The following SPAG16 variants were observed in gnomAD, a reference collection of about 807,000 sequenced individuals.
The protein encoded by SPAG16 is sperm associated antigen 16.
Under a neutral mutation model 80.4 loss-of-function variants are expected in SPAG16, and 86 were observed. That is an observed-to-expected ratio of 1.07 (90% confidence interval 0.90 to 1.28). The LOEUF is 1.28. Ranked by LOEUF, SPAG16 falls within the 50% of genes most tolerant of loss-of-function variation. The pLI is 0.00. For missense variants in SPAG16, 870 were observed against 765.3 expected (o/e 1.14, Z -1.61); for synonymous variants, 294 against 265.9 (o/e 1.11, Z -1.03).
At chr2:214,088,881 A>T (rs533931715) in intron 13 of SPAG16, among the ~76,000 whole-genome samples, 1 of 152,258 alleles carries the variant, frequency 6.6e-6, no homozygotes, top group East Asian at 1.9e-4. Context: ...TATAACAATG[A>T]TACTAAAATA....
rs74895388 is a variant in SPAG16 at position 213,725,748 on chromosome 2, G to T, written c.1071-136737G>T. On this transcript the variant is annotated intron_variant, in intron 10 of 15. Transcript: ENST00000331683. ...GAGTGTTTAAGAAGTTTGGCTCAGG[G>T]CCAAAGCTAGTTTCTATGTATGTAA... 1.4e-3 allele frequency among the ~76,000 whole-genome samples: 207 copies of T among 152,330 alleles called. 2 individuals are homozygous for T. In the East Asian group the frequency reaches 0.021, roughly 15 times the overall value.
intron 15 of SPAG16, chr2:214,280,751 C>T (rs1290406575): frequency 7.1e-6 from 3 of 421,594 alleles, no homozygotes; most frequent in South Asian, 2.1e-5. Context: ...TAACTTATTT[C>T]CTGGGCGTCT....
At position 214,015,529 on chromosome 2, in the gene SPAG16, C is replaced by T. The variant is rs549157490; in HGVS notation, c.1527+1452C>T. 6.0e-5 allele frequency among the ~76,000 whole-genome samples: 9 copies of T among 150,434 alleles called. No individual in the cohort carries two copies. The South Asian group carries it at 8.4e-4, about 14-fold the overall frequency. On this transcript the variant is annotated intron_variant, in intron 13 of 15. Transcript: ENST00000331683. ...AGGAGAATCGCTTGTATCCAGGAGG[C>T]GGAAGTTGCAGTGAGCCGAAATCAT...
chr2:213,309,962 A>AC, intron 3 of SPAG16, 97 bp from the exon 4 acceptor site: 1 of 741,252 alleles, frequency 1.3e-6, no homozygotes, highest in Non-Finnish European at 2.2e-6. Context: ...TTGTTGAAAA[A>AC]AAATGAATGG....
chr2:213,638,960 T>C (rs1388032946), intron 10 of SPAG16, among the ~76,000 whole-genome samples: 1 of 152,234 alleles, frequency 6.6e-6, no homozygotes, highest in Non-Finnish European at 1.5e-5. Flanking sequence ...TGTGATATTT[T>C]CCTGTTGCAT....
At chr2:214,118,738 A>G (rs1033717938) in intron 14 of SPAG16, among the ~76,000 whole-genome samples, 1 of 152,090 alleles carries the variant, frequency 6.6e-6, no homozygotes, top group African/African-American at 2.4e-5. Flanking sequence ...TCAAGAGGAA[A>G]TTGAGAGGGG....
chr2:213,883,396 C>A (rs963558910), intron 11 of SPAG16, among the ~76,000 whole-genome samples: 1 of 151,962 alleles, frequency 6.6e-6, no homozygotes, highest in African/African-American at 2.4e-5. Flanking sequence ...TGATTTTAAT[C>A]TTTTTTTAAT....
At chr2:213,828,991 A>C (rs2073462663) in intron 10 of SPAG16, among the ~76,000 whole-genome samples, 1 of 152,184 alleles carries the variant, frequency 6.6e-6, no homozygotes. Flanking sequence ...TAAAGCCAGC[A>C]TAGTACTGGT....
chr2:213,943,966 C>A (rs1410187613), intron 12 of SPAG16, among the ~76,000 whole-genome samples: 2 of 152,156 alleles, frequency 1.3e-5, no homozygotes, highest in African/African-American at 4.8e-5. Context: ...AGCACTGGAC[C>A]ATAGAGCTAT....
At chr2:213,448,388 G>A (rs2071475726) in intron 9 of SPAG16, among the ~76,000 whole-genome samples, 1 of 152,226 alleles carries the variant, frequency 6.6e-6, no homozygotes, top group Non-Finnish European at 1.5e-5. Context: ...TGTGCCTGGA[G>A]CTGATGCATT....
intron 15 of SPAG16, among the ~76,000 whole-genome samples, chr2:214,397,158 CT>C (rs66580402): frequency 7.7e-4 from 100 of 129,942 alleles, no homozygotes; most frequent in African/African-American, 2.0e-3. Flanking sequence ...TTTTAATTTT[CT>C]TTTTTTTTTT....
rs1237543995 is a variant in SPAG16, at chr2:214,397,073, A to T, written c.1721-13067A>T. Among the ~76,000 whole-genome samples the T allele has an allele frequency of 4.6e-5, 7 of 151,948 alleles. No homozygotes were observed. The East Asian group carries it at 1.2e-3, about 25-fold the overall frequency. ...ATTGTTGATTTTGGCAAGATACTCT[A>T]GTGTATGAATGCCACTGAGATATTA... On this transcript the variant is annotated intron_variant, in intron 15 of 15. Coordinates refer to ENST00000331683, the MANE Select transcript of SPAG16 (RefSeq NM_024532.5).
intron 10 of SPAG16, among the ~76,000 whole-genome samples, chr2:213,556,831 G>C (rs907692571): frequency 6.6e-6 from 1 of 152,152 alleles, no homozygotes; most frequent in African/African-American, 2.4e-5. Context: ...CCCCAGGATA[G>C]ATCATATGCT....
chr2:213,977,245 GC>G (rs1455415815), intron 12 of SPAG16, among the ~76,000 whole-genome samples: 1 of 151,862 alleles, frequency 6.6e-6, no homozygotes, highest in South Asian at 2.1e-4. Context: ...TACACACACT[GC>G]CCCCCAGGAT....
At chr2:213,683,966 C>T (rs532345077) in intron 10 of SPAG16, among the ~76,000 whole-genome samples, 12 of 152,006 alleles carry the variant, frequency 7.9e-5, no homozygotes, top group South Asian at 2.1e-4. Context: ...TGTAGGAAAG[C>T]GTTTTGTGTA....
chr2:213,286,883 C>T (rs1022779213), intron 1 of SPAG16, among the ~76,000 whole-genome samples: 16 of 149,948 alleles, frequency 1.1e-4, no homozygotes, highest in Non-Finnish European at 1.9e-4. Flanking sequence ...AGCCAGGATC[C>T]ATCTTGTGGG....
Position 213,434,459 on chromosome 2 carries a change from AT to A in SPAG16, c.943-55503del, listed in dbSNP as rs143551634. On this transcript the variant is annotated intron_variant, in intron 9 of 15. Coordinates refer to ENST00000331683, the MANE Select transcript of SPAG16 (RefSeq NM_024532.5). ...AATAGCACAAGTAATAAAAACAAAA[AT>A]AGATAAGTGGGACTTAATTAAACTA... Among the ~76,000 whole-genome samples the A allele has an allele frequency of 2.2e-3, 336 of 152,336 alleles. 3 individuals are homozygous for A. Among genetic ancestry groups the A allele is most frequent in the African/African-American group, 8.0e-3 (331 of 41,588 alleles).
At chr2:213,334,120 T>G (rs1031291595) in intron 5 of SPAG16, among the ~76,000 whole-genome samples, 1 of 151,814 alleles carries the variant, frequency 6.6e-6, no homozygotes, top group Non-Finnish European at 1.5e-5. Flanking sequence ...AGGAAAAAAG[T>G]CTAATACTCC....
At chr2:213,609,132 A>G (rs2125010138) in intron 10 of SPAG16, among the ~76,000 whole-genome samples, 1 of 152,362 alleles carries the variant, frequency 6.6e-6, no homozygotes, top group African/African-American at 2.4e-5. Flanking sequence ...TGACTTCAAA[A>G]CAAAAATGAA....
Sources: allele counts gnomAD v4.1 joint callset (sites outside exome capture counted in the v4.1 genomes callset), GRCh38; gene constraint gnomAD v4.1.1; transcripts MANE v1.5; gene names NCBI Gene and HGNC (gene_info 2026-07-23, HGNC 2026-07-21).